Variants in MYO3B observed in about 807,000 individuals in gnomAD.
MYO3B encodes the protein myosin IIIB, also known as myosin-IIIb.
Under a neutral mutation model 174.6 loss-of-function variants are expected in MYO3B, and 156 were observed. That is an observed-to-expected ratio of 0.89 (90% CI 0.78 to 1.02). The LOEUF (loss-of-function observed/expected upper bound fraction) is 1.02, where lower values mean the gene tolerates loss of function less well. Among genes scored for constraint, MYO3B ranks in the 50% least tolerant of loss-of-function variants. The pLI, the probability that MYO3B is intolerant of heterozygous loss-of-function variation, is 0.00. For synonymous variants in MYO3B, 563 were observed against 569.1 expected, an observed-to-expected ratio of 0.99 and a Z score of 0.15; for missense variants, 1,632 against 1,639.4, an observed-to-expected ratio of 1.00 and a Z score of 0.08.
intron 9 of MYO3B, among the ~76,000 whole-genome samples, chr2:170,371,673 T>G (rs1178865608): frequency 1.4e-5 from 2 of 141,210 alleles, no homozygotes; most frequent in African/African-American, 5.6e-5. Flanking sequence ...AAAGCTGTGG[T>G]TTTTCAAGTT....
At chr2:170,322,526 G>A (rs894410363) in intron 7 of MYO3B, among the ~76,000 whole-genome samples, 1 of 152,202 alleles carries the variant, frequency 6.6e-6, no homozygotes, top group Admixed American at 6.5e-5. Context: ...GTGTGAGAGG[G>A]GGTGCTGCTG....
In MYO3B at chr2:170,370,867, G is replaced by A. The variant is rs569661264; in HGVS notation, c.971+1490G>A. Among the ~76,000 whole-genome samples the A allele has an allele frequency of 1.1e-4, 16 of 151,594 alleles. No individual in the cohort carries two copies. In the East Asian group the frequency reaches 2.9e-3, roughly 27 times the overall value. On this transcript the variant is annotated intron_variant, in intron 9 of 34. Coordinates refer to ENST00000408978, the MANE Select transcript of MYO3B (RefSeq NM_138995.5). The stretch of plus-strand genomic sequence containing the variant: ...TGGATTTTCATATTTGCCTGACTTT[G>A]CCTGTCCAGATCTATGCTCTCTCTC...
chr2:170,214,686 C>G (rs775468660), intron 4 of MYO3B, 43 bp from the exon 5 acceptor site: 1 of 1,559,194 alleles, frequency 6.4e-7, no homozygotes, highest in Non-Finnish European at 8.8e-7. Flanking sequence ...TAAATTTCCC[C>G]TTTCTCTTTC....
intron 32 of MYO3B, among the ~76,000 whole-genome samples, chr2:170,594,655 A>G (rs2106329822): frequency 6.6e-6 from 1 of 152,268 alleles, no homozygotes; most frequent in Middle Eastern, 3.4e-3. Context: ...CATCCCACCC[A>G]GTAGCAGATG....
chr2:170,499,340 A>G (rs1419959048), intron 26 of MYO3B, among the ~76,000 whole-genome samples: 2 of 152,146 alleles, frequency 1.3e-5, no homozygotes, highest in African/African-American at 2.4e-5. Flanking sequence ...ATGGGGAAAG[A>G]GAGTAGATAG....
intron 7 of MYO3B, among the ~76,000 whole-genome samples, chr2:170,292,418 A>T (rs2093602231): frequency 6.6e-6 from 1 of 152,168 alleles, no homozygotes; most frequent in Non-Finnish European, 1.5e-5. Flanking sequence ...TCATTAGGTC[A>T]GTCACTGGAT....
At position 170,362,800 on chromosome 2, in the gene MYO3B, T is replaced by C. The variant is rs2094171349; in HGVS notation, c.816-6422T>C. ...GGAAAACTGAAATGCAGTTAAATATTCCACCAAACAGGGGGGTGATGTTTC... is the reference window on the plus strand; with the variant it reads ...GGAAAACTGAAATGCAGTTAAATATCCCACCAAACAGGGGGGTGATGTTTC... On this transcript the variant is annotated intron_variant, in intron 8 of 34. Transcript: ENST00000408978. 2.0e-5 allele frequency among the ~76,000 whole-genome samples: 3 copies of C among 152,178 alleles called. No homozygotes were observed. The South Asian group carries it at 6.2e-4, about 32-fold the overall frequency.
chr2:170,254,670 A>G (rs1329793935), intron 7 of MYO3B, among the ~76,000 whole-genome samples: 1 of 152,178 alleles, frequency 6.6e-6, no homozygotes, highest in Non-Finnish European at 1.5e-5. Context: ...TGAGCACACC[A>G]CCCAGGGATA....
intron 1 of MYO3B, among the ~76,000 whole-genome samples, chr2:170,178,968 T>G (rs542348532): frequency 2.0e-4 from 30 of 152,272 alleles, no homozygotes; most frequent in Non-Finnish European, 2.2e-4. Context: ...TCTCAGTAAT[T>G]TTGTATATTC....
rs561011876 is a variant in MYO3B at position 170,521,924 on chromosome 2, T to C, written c.3575+2384T>C. ...ACAGCTCCCAGTTGCTAGAGCTTTA[T>C]GTTCATCAGACTCTGCAGCATTTAG... On this transcript the variant is annotated intron_variant, in intron 30 of 34. Coordinates refer to ENST00000408978, the MANE Select transcript of MYO3B (RefSeq NM_138995.5). 9.8e-5 allele frequency among the ~76,000 whole-genome samples: 15 copies of C among 152,328 alleles called. No individual in the cohort carries two copies. The South Asian group carries it at 2.7e-3, about 27-fold the overall frequency.
intron 32 of MYO3B, among the ~76,000 whole-genome samples, chr2:170,610,912 C>G (rs185191396): frequency 6.3e-4 from 96 of 152,176 alleles, no homozygotes; most frequent in Non-Finnish European, 1.2e-3. Flanking sequence ...TACATGGACA[C>G]AGAGCTGGAA....
rs530484330 is a variant in MYO3B, at chr2:170,269,805, C to A, written c.749+33669C>A. 6.8e-4 allele frequency among the ~76,000 whole-genome samples: 104 copies of A among 152,282 alleles called. 3 individuals are homozygous for A. In the South Asian group the frequency reaches 0.021, roughly 31 times the overall value. ...TCCTGACATGCAAAGATTTCAAAACCAGAGGTCCTCAAACTTTAGTGTGCA... is the reference window on the plus strand; with the variant it reads ...TCCTGACATGCAAAGATTTCAAAACAAGAGGTCCTCAAACTTTAGTGTGCA... On this transcript the variant is annotated intron_variant, in intron 7 of 34. Coordinates refer to ENST00000408978, the MANE Select transcript of MYO3B (RefSeq NM_138995.5).
intron 6 of MYO3B, among the ~76,000 whole-genome samples, chr2:170,232,118 A>G (rs988564331): frequency 1.3e-5 from 2 of 152,138 alleles, no homozygotes; most frequent in African/African-American, 4.8e-5. Context: ...CATCCTAACA[A>G]CTGATTCAGA....
intron 7 of MYO3B, among the ~76,000 whole-genome samples, chr2:170,328,188 C>G (rs894284785): frequency 6.6e-6 from 1 of 152,102 alleles, no homozygotes; most frequent in African/African-American, 2.4e-5. Context: ...AGGCATGAAC[C>G]ACCACACTGG....
intron 32 of MYO3B, among the ~76,000 whole-genome samples, chr2:170,635,461 C>T (rs183252602): frequency 6.0e-5 from 9 of 149,066 alleles, no homozygotes; most frequent in African/African-American, 9.8e-5. Context: ...AGGGGCCTGT[C>T]GTGGGGTGGG....
At chr2:170,463,343 C>G (rs984023192) in intron 23 of MYO3B, 25 bp from the exon 24 acceptor site, 10 of 1,610,066 alleles carry the variant, frequency 6.2e-6, no homozygotes, top group Non-Finnish European at 5.1e-6. Context: ...ATCCTCAAAC[C>G]ACTTGCCTCC....
intron 16 of MYO3B, among the ~76,000 whole-genome samples, chr2:170,396,494 G>C (rs1431170025): frequency 6.6e-6 from 1 of 152,046 alleles, no homozygotes; most frequent in Non-Finnish European, 1.5e-5. Context: ...GAATAGCCCA[G>C]AAATATAAAC....
At chr2:170,526,867 G>A (rs950545535) in intron 30 of MYO3B, among the ~76,000 whole-genome samples, 1 of 152,140 alleles carries the variant, frequency 6.6e-6, no homozygotes, top group African/African-American at 2.4e-5. Context: ...TGATCCTTAT[G>A]CAAAGAGTCC....
chr2:170,563,031 T>TACACACACCCACAC (rs1553522583), intron 32 of MYO3B, among the ~76,000 whole-genome samples: 7 of 138,568 alleles, frequency 5.1e-5, no homozygotes, highest in Non-Finnish European at 1.1e-4. Context: ...AAAACATGCA[T>TACACACACCCACAC]ACACACACAC....
Sources: allele counts gnomAD v4.1 joint callset (sites outside exome capture counted in the v4.1 genomes callset), GRCh38; gene constraint gnomAD v4.1.1; transcripts MANE v1.5; gene names NCBI Gene and HGNC (gene_info 2026-07-23, HGNC 2026-07-21).